The following COP1 variants were observed in gnomAD, a reference collection of about 807,000 sequenced individuals.
The protein encoded by COP1 is COP1 E3 ubiquitin ligase.
COP1 carries 24 observed loss-of-function variants against 101.3 expected under a neutral mutation model. The observed-to-expected ratio is 0.24, with a 90% CI of 0.17 to 0.33. COP1 has a LOEUF of 0.33. Ranked by LOEUF, COP1 falls within the 10% of genes least tolerant of loss-of-function variation. The pLI is 1.00. For missense variants in COP1, 663 were observed against 906.2 expected, an observed-to-expected ratio of 0.73 and a Z score of 3.45; for synonymous variants, 347 against 341.9, an observed-to-expected ratio of 1.01 and a Z score of -0.17.
chr1:176,175,451 A>G (rs1434722853), intron 3 of COP1, among the ~76,000 whole-genome samples: 2 of 152,190 alleles, frequency 1.3e-5, no homozygotes, highest in Non-Finnish European at 2.9e-5. Context: ...TCCACCTCAG[A>G]TTATCAGGCA....
intron 11 of COP1, among the ~76,000 whole-genome samples, chr1:176,080,355 T>C (rs767109736): frequency 2.6e-5 from 4 of 152,116 alleles, no homozygotes; most frequent in Non-Finnish European, 4.4e-5. Flanking sequence ...AATTTTTATC[T>C]TAAGAAATTA....
chr1:176,096,905 T>C (rs1682497401), intron 9 of COP1, among the ~76,000 whole-genome samples: 1 of 152,234 alleles, frequency 6.6e-6, no homozygotes, highest in Non-Finnish European at 1.5e-5. Context: ...TGTTTTGTTC[T>C]AGCCTCTGCC....
chr1:176,061,070 C>T (rs1355317725), intron 11 of COP1, among the ~76,000 whole-genome samples: 33 of 152,174 alleles, frequency 2.2e-4, no homozygotes, highest in Non-Finnish European at 4.4e-4. Context: ...TGTTATAAAA[C>T]TACAGTAATC....
chr1:176,008,913 G>A (rs186455662), intron 15 of COP1, among the ~76,000 whole-genome samples: 1 of 152,202 alleles, frequency 6.6e-6, no homozygotes, highest in Non-Finnish European at 1.5e-5. Flanking sequence ...GCAGTAACAA[G>A]ATTTCCTTAA....
At chr1:176,039,819 G>A (rs1286184190) in intron 14 of COP1, among the ~76,000 whole-genome samples, 20 of 152,062 alleles carry the variant, frequency 1.3e-4, no homozygotes. Flanking sequence ...GGAAAGGACA[G>A]TTTTTTCAAC....
intron 6 of COP1, among the ~76,000 whole-genome samples, chr1:176,136,758 C>G (rs918847908): frequency 6.6e-6 from 1 of 152,000 alleles, no homozygotes; most frequent in African/African-American, 2.4e-5. Flanking sequence ...TATGTGAAAA[C>G]ACAATGTTGT....
chr1:176,132,515 G>GTA (rs754478471), intron 8 of COP1, among the ~76,000 whole-genome samples: 3 of 149,482 alleles, frequency 2.0e-5, no homozygotes, highest in East Asian at 2.0e-4. Context: ...ATGTGTGTGT[G>GTA]TATATACACA....
chr1:176,113,884 C>A (rs1018631738), intron 9 of COP1, among the ~76,000 whole-genome samples: 2 of 150,660 alleles, frequency 1.3e-5, no homozygotes, highest in Non-Finnish European at 2.9e-5. Context: ...CAGAAGACTA[C>A]AGGGAGGCTA....
intron 1 of COP1, among the ~76,000 whole-genome samples, chr1:176,187,333 CATATATACACACAT>C (rs1377666780): frequency 6.6e-6 from 1 of 152,004 alleles, no homozygotes; most frequent in Non-Finnish European, 1.5e-5. Flanking sequence ...CACATATACA[CATATATACACACAT>C]ATATATACAC....
chr1:176,164,752 G>A (rs755367184), intron 3 of COP1, among the ~76,000 whole-genome samples: 1 of 152,058 alleles, frequency 6.6e-6, no homozygotes, highest in Non-Finnish European at 1.5e-5. Flanking sequence ...CCCGTGAATC[G>A]ATACATTTTC....
intron 1 of COP1, among the ~76,000 whole-genome samples, chr1:176,195,018 T>C (rs1313266323): frequency 1.3e-5 from 2 of 149,704 alleles, no homozygotes; most frequent in African/African-American, 2.5e-5. Flanking sequence ...GCTTGGGAGG[T>C]AGAGGCTGCA....
chr1:176,027,549 A>G (rs955665176), intron 15 of COP1, 23 bp downstream of exon 15: 1 of 1,363,062 alleles, frequency 7.3e-7, no homozygotes, highest in South Asian at 1.2e-5. Context: ...TCAAAGGAAG[A>G]CAAATCTGCT....
chr1:176,105,098 G>A (rs948554564), intron 9 of COP1, among the ~76,000 whole-genome samples: 1 of 152,152 alleles, frequency 6.6e-6, no homozygotes, highest in Non-Finnish European at 1.5e-5. Context: ...ATATGTATCT[G>A]TAAATCTGAC....
chr1:176,054,711 G>C (rs1319309341), intron 11 of COP1, among the ~76,000 whole-genome samples: 2 of 151,936 alleles, frequency 1.3e-5, no homozygotes, highest in African/African-American at 2.4e-5. Context: ...CCTCTCTCCT[G>C]TATCAATCAA....
chr1:176,160,255 CTTTTTTTTTTTTTT>C, intron 5 of COP1: 1 of 238,454 alleles, frequency 4.2e-6, no homozygotes, highest in East Asian at 1.5e-4. Context: ...CCACACACAT[CTTTTTTTTTTTTTT>C]TTTTTTTTTT....
chr1:176,206,444 G>A, intron 1 of COP1, 128 bp downstream of exon 1: 1 of 1,097,842 alleles, frequency 9.1e-7, no homozygotes, highest in African/African-American at 1.6e-5. Context: ...TCCCTCTGCA[G>A]ACACCACCAC....
At chr1:176,022,237 A>G (rs1339215203) in intron 15 of COP1, among the ~76,000 whole-genome samples, 1 of 152,216 alleles carries the variant, frequency 6.6e-6, no homozygotes, top group East Asian at 1.9e-4. Flanking sequence ...AAGCACAAAT[A>G]TAAGATCTAA....
chr1:176,190,542 AAC>A (rs1491521374), intron 1 of COP1, among the ~76,000 whole-genome samples: 1 of 151,818 alleles, frequency 6.6e-6, no homozygotes, highest in African/African-American at 2.4e-5. Flanking sequence ...AAAAAAAAAA[AAC>A]AGTACAGAAC....
intron 11 of COP1, among the ~76,000 whole-genome samples, chr1:176,050,534 A>G (rs1672360018): frequency 6.6e-6 from 1 of 152,356 alleles, no homozygotes. Flanking sequence ...ATTCATTACC[A>G]TGATAGTGTG....
Sources: allele counts gnomAD v4.1 joint callset (sites outside exome capture counted in the v4.1 genomes callset), GRCh38; gene constraint gnomAD v4.1.1; transcripts MANE v1.5; gene names NCBI Gene and HGNC (gene_info 2026-07-23, HGNC 2026-07-21).